Variants in KCNB2 observed in about 807,000 individuals in gnomAD.
The protein encoded by KCNB2 is potassium voltage-gated channel subfamily B member 2, also known as delayed rectifier potassium channel protein.
In KCNB2, 15 loss-of-function variants were observed where a neutral mutation model predicts 61.5. The observed-to-expected ratio is 0.24, with a 90% CI of 0.16 to 0.38. The LOEUF (loss-of-function observed/expected upper bound fraction) is 0.38, where lower values mean the gene tolerates loss of function less well. Ranked by LOEUF, KCNB2 falls within the 10% of genes least tolerant of loss-of-function variation. The pLI, the probability that KCNB2 is intolerant of heterozygous loss-of-function variation, is 1.00. For missense variants in KCNB2, 828 were observed against 1,125.2 expected (o/e 0.74, Z 3.78); for synonymous variants, 457 against 446.0 (o/e 1.02, Z -0.31).
intron 2 of KCNB2, among the ~76,000 whole-genome samples, chr8:72,889,608 G>A (rs1455397427): frequency 2.0e-5 from 3 of 152,054 alleles, no homozygotes; most frequent in African/African-American, 7.2e-5. Flanking sequence ...GATCACTTGA[G>A]CCTGGGAGGT....
intron 1 of KCNB2, among the ~76,000 whole-genome samples, chr8:72,538,323 G>A (rs1018223479): frequency 5.9e-5 from 9 of 151,366 alleles, no homozygotes; most frequent in African/African-American, 2.0e-4. Flanking sequence ...TCTGTAGCAC[G>A]ATTCCTGAGA....
At chr8:72,818,938 C>G (rs1246209599) in intron 2 of KCNB2, among the ~76,000 whole-genome samples, 2 of 152,176 alleles carry the variant, frequency 1.3e-5, no homozygotes, top group African/African-American at 4.8e-5. Context: ...CTTGGTTCTA[C>G]TGCTTACCAG....
At chr8:72,697,388 C>T (rs148054566) in intron 2 of KCNB2, among the ~76,000 whole-genome samples, 253 of 152,194 alleles carry the variant, frequency 1.7e-3, no homozygotes, top group African/African-American at 5.9e-3. Context: ...TTTTCATTAC[C>T]TAATTCTCCA....
intron 2 of KCNB2, among the ~76,000 whole-genome samples, chr8:72,720,966 G>A (rs1383675077): frequency 6.6e-6 from 1 of 152,128 alleles, no homozygotes; most frequent in Non-Finnish European, 1.5e-5. Flanking sequence ...GTTTTGTACT[G>A]TGTAGATACA....
chr8:72,831,848 C>A (rs1467036496), intron 2 of KCNB2, among the ~76,000 whole-genome samples: 2 of 152,150 alleles, frequency 1.3e-5, no homozygotes, highest in African/African-American at 4.8e-5. Context: ...AAGAGACTAT[C>A]CTTCACACAA....
At chr8:72,720,845 G>T (rs1424011753) in intron 2 of KCNB2, among the ~76,000 whole-genome samples, 1 of 152,148 alleles carries the variant, frequency 6.6e-6, no homozygotes, top group Admixed American at 6.5e-5. Context: ...TAAATTATCA[G>T]TGAATCTAAA....
intron 2 of KCNB2, among the ~76,000 whole-genome samples, chr8:72,709,051 G>A (rs1446995506): frequency 6.6e-6 from 1 of 152,120 alleles, no homozygotes; most frequent in Non-Finnish European, 1.5e-5. Flanking sequence ...TGAAAAAAGA[G>A]ACACATCGTT....
intron 2 of KCNB2, among the ~76,000 whole-genome samples, chr8:72,674,325 T>G (rs897745954): frequency 1.3e-5 from 2 of 152,252 alleles, no homozygotes; most frequent in Non-Finnish European, 2.9e-5. Flanking sequence ...TTCTGAATTT[T>G]CTTCATTTTG....
chr8:72,934,152 A>C (rs1806848546), intron 2 of KCNB2, among the ~76,000 whole-genome samples: 6 of 152,072 alleles, frequency 3.9e-5, no homozygotes, highest in Admixed American at 3.9e-4. Context: ...AGGCCGAAGC[A>C]GGTGGATCAC....
rs1438518658 is a variant in KCNB2, at chr8:72,725,603, A to ATGTATGTGTGTG, written c.579+157291_579+157292insGTATGTGTGTGT. Among the ~76,000 whole-genome samples, 69 of 110,944 alleles carry ATGTATGTGTGTG rather than the reference A, an allele frequency of 6.2e-4. 1 individual carries two copies. The highest frequency in any genetic ancestry group is 4.7e-3 in the Middle Eastern group (1 of 214). The allele number at this position is 110,944 out of a possible 152,430, so 72.8% of individuals were successfully genotyped here. ...TATATATATGTATGTATATATATAT[A>ATGTATGTGTGTG]TATATATATATATATATATGCATTC... On this transcript the variant is annotated intron_variant, in intron 2 of 2. Coordinates refer to ENST00000523207, the MANE Select transcript of KCNB2 (RefSeq NM_004770.3).
At chr8:72,886,550 C>T (rs1242806390) in intron 2 of KCNB2, among the ~76,000 whole-genome samples, 4 of 152,124 alleles carry the variant, frequency 2.6e-5, no homozygotes. Context: ...AAACATCAGT[C>T]CTCACCATCT....
chr8:72,782,999 A>G (rs998969570), intron 2 of KCNB2, among the ~76,000 whole-genome samples: 1 of 152,208 alleles, frequency 6.6e-6, no homozygotes, highest in Non-Finnish European at 1.5e-5. Flanking sequence ...TAGAGTTGTA[A>G]GTAACTTTAA....
chr8:72,839,903 G>T (rs986428755), intron 2 of KCNB2, among the ~76,000 whole-genome samples: 1 of 151,368 alleles, frequency 6.6e-6, no homozygotes, highest in East Asian at 1.9e-4. Flanking sequence ...GTGAGCCACC[G>T]TGCCCAGCCT....
intron 2 of KCNB2, among the ~76,000 whole-genome samples, chr8:72,606,280 G>C (rs1176590267): frequency 6.6e-6 from 1 of 152,072 alleles, no homozygotes; most frequent in Non-Finnish European, 1.5e-5. Context: ...GGAATGACTA[G>C]ATAGCAGTGA....
chr8:72,599,395 T>C (rs1807253233), intron 2 of KCNB2, among the ~76,000 whole-genome samples: 1 of 152,174 alleles, frequency 6.6e-6, no homozygotes, highest in Non-Finnish European at 1.5e-5. Context: ...TGACTAGCCA[T>C]ATATAGAAAG....
At chr8:72,759,073 T>C (rs1201784160) in intron 2 of KCNB2, among the ~76,000 whole-genome samples, 1 of 152,162 alleles carries the variant, frequency 6.6e-6, no homozygotes, top group African/African-American at 2.4e-5. Context: ...ATGAAAGTGT[T>C]ATGTTGGGGC....
chr8:72,868,503 G>A (rs1805567574), intron 2 of KCNB2, among the ~76,000 whole-genome samples: 1 of 151,806 alleles, frequency 6.6e-6, no homozygotes, highest in South Asian at 2.1e-4. Context: ...GCTTGAACCA[G>A]GGAAGTAGAG....
intron 2 of KCNB2, among the ~76,000 whole-genome samples, chr8:72,580,113 A>T (rs1806868117): frequency 6.6e-6 from 1 of 152,204 alleles, no homozygotes; most frequent in South Asian, 2.1e-4. Context: ...ATGGGCCATA[A>T]GGTTTCTGTT....
At chr8:72,911,256 C>T (rs1806285675) in intron 2 of KCNB2, among the ~76,000 whole-genome samples, 1 of 152,170 alleles carries the variant, frequency 6.6e-6, no homozygotes, top group South Asian at 2.1e-4. Flanking sequence ...CTTGCCTTCC[C>T]TTCACTATCA....
Sources: allele counts gnomAD v4.1 joint callset (sites outside exome capture counted in the v4.1 genomes callset), GRCh38; gene constraint gnomAD v4.1.1; transcripts MANE v1.5; gene names NCBI Gene and HGNC (gene_info 2026-07-23, HGNC 2026-07-21).